ITPR2: variants seen among roughly 807,000 people sequenced by gnomAD.
ITPR2 encodes inositol 1,4,5-trisphosphate-gated calcium channel ITPR2.
Under a neutral mutation model 317.1 loss-of-function variants are expected in ITPR2, and 207 were observed. The ratio of observed to expected loss-of-function variants is 0.65; its 90% confidence interval spans 0.58 to 0.73. The LOEUF is 0.73. Among genes scored for constraint, ITPR2 ranks in the 30% least tolerant of loss-of-function variants. ITPR2 has a pLI of 0.00. For missense variants in ITPR2, 2,613 were observed against 3,284.0 expected, an observed-to-expected ratio of 0.80 and a Z score of 4.99; for synonymous variants, 1,156 against 1,149.1, an observed-to-expected ratio of 1.01 and a Z score of -0.12.
intron 37 of ITPR2, among the ~76,000 whole-genome samples, chr12:26,542,299 T>A (rs1944285431): frequency 6.6e-6 from 1 of 152,236 alleles, no homozygotes; most frequent in Non-Finnish European, 1.5e-5. Flanking sequence ...ACTTTTCATG[T>A]TATTTAGTTT....
intron 55 of ITPR2, among the ~76,000 whole-genome samples, chr12:26,358,021 T>C (rs1421005986): frequency 6.6e-6 from 1 of 152,262 alleles, no homozygotes; most frequent in Non-Finnish European, 1.5e-5. Context: ...CCCAGAAACC[T>C]GCAGCTATGT....
At chr12:26,817,180 C>CAAA (rs11422176) in intron 1 of ITPR2, among the ~76,000 whole-genome samples, 33 of 57,620 alleles carry the variant, frequency 5.7e-4, no homozygotes, top group African/African-American at 1.6e-3. Flanking sequence ...GAGTCTCTTT[C>CAAA]AAAAAAAAAA....
intron 54 of ITPR2, among the ~76,000 whole-genome samples, chr12:26,391,004 A>G (rs992331456): frequency 6.6e-6 from 1 of 152,168 alleles, no homozygotes; most frequent in Non-Finnish European, 1.5e-5. Flanking sequence ...AAGGGAGCAT[A>G]AAGAAGGGCA....
At chr12:26,667,050 A>G (rs776154876) in intron 13 of ITPR2, among the ~76,000 whole-genome samples, 2 of 152,268 alleles carry the variant, frequency 1.3e-5, no homozygotes, top group Non-Finnish European at 2.9e-5. Context: ...AAGCTGACCA[A>G]TAAACAGTTA....
chr12:26,669,701 T>C (rs1565679486), intron 13 of ITPR2, among the ~76,000 whole-genome samples: 4 of 152,122 alleles, frequency 2.6e-5, no homozygotes, highest in Admixed American at 2.0e-4. Context: ...TGGGCGCAGG[T>C]CAGTGGGTGC....
chr12:26,567,980 A>ATATATATATATTATATATAT, intron 34 of ITPR2, among the ~76,000 whole-genome samples: 1 of 7,606 alleles, frequency 1.3e-4, no homozygotes, highest in Admixed American at 9.3e-4. Context: ...TATATATATT[A>ATATATATATATTATATATAT]TATATATATA....
At chr12:26,671,302 AG>A (rs1947764332) in intron 13 of ITPR2, among the ~76,000 whole-genome samples, 1 of 152,252 alleles carries the variant, frequency 6.6e-6, no homozygotes, top group Non-Finnish European at 1.5e-5. Context: ...CCAGAGAGAA[AG>A]GTTGGGTTAC....
chr12:26,462,236 G>A (rs1315301011), intron 45 of ITPR2, among the ~76,000 whole-genome samples: 5 of 151,676 alleles, frequency 3.3e-5, no homozygotes, highest in Admixed American at 2.6e-4. Context: ...GTGCCATCTC[G>A]GCTCACTGCA....
chr12:26,520,522 C>T (rs1205996944), intron 37 of ITPR2, among the ~76,000 whole-genome samples: 1 of 152,178 alleles, frequency 6.6e-6, no homozygotes, highest in Admixed American at 6.5e-5. Context: ...GAAATAGCGG[C>T]TCCTGGTCTT....
At chr12:26,411,139 C>A (rs1306213928) in intron 52 of ITPR2, 181 bp downstream of exon 52, 10 of 553,810 alleles carry the variant, frequency 1.8e-5, no homozygotes, top group Admixed American at 3.1e-5. Flanking sequence ...GAGAGGGGTA[C>A]AAAATGACCA....
intron 48 of ITPR2, among the ~76,000 whole-genome samples, chr12:26,430,237 G>T (rs544581877): frequency 6.6e-6 from 1 of 152,164 alleles, no homozygotes; most frequent in Admixed American, 6.6e-5. Flanking sequence ...TGCTAAAAAA[G>T]AACTGAAGTC....
intron 55 of ITPR2, among the ~76,000 whole-genome samples, chr12:26,371,410 G>A (rs1939185756): frequency 6.6e-6 from 1 of 152,112 alleles, no homozygotes; most frequent in South Asian, 2.1e-4. Flanking sequence ...AGGTACTGGG[G>A]AAACAGTTAC....
chr12:26,671,160 C>A (rs1284422578), intron 13 of ITPR2, among the ~76,000 whole-genome samples: 2 of 152,146 alleles, frequency 1.3e-5, no homozygotes, highest in East Asian at 3.9e-4. Context: ...CCCAATCTAG[C>A]AAAGCAGGAC....
intron 2 of ITPR2, among the ~76,000 whole-genome samples, chr12:26,726,272 A>C (rs1948920511): frequency 6.6e-6 from 1 of 152,190 alleles, no homozygotes; most frequent in South Asian, 2.1e-4. Flanking sequence ...TCTGAAAGAC[A>C]ATATGATATG....
intron 37 of ITPR2, among the ~76,000 whole-genome samples, chr12:26,500,623 A>T (rs1384197972): frequency 6.6e-6 from 1 of 152,208 alleles, no homozygotes; most frequent in Non-Finnish European, 1.5e-5. Context: ...AATTACAACA[A>T]AATATCTCCA....
chr12:26,563,367 C>T (rs990460665), intron 34 of ITPR2, among the ~76,000 whole-genome samples: 4 of 152,196 alleles, frequency 2.6e-5, no homozygotes, highest in Admixed American at 6.5e-5. Flanking sequence ...GTCAGGAGAT[C>T]GAGACCATCC....
intron 2 of ITPR2, among the ~76,000 whole-genome samples, chr12:26,763,244 AT>A (rs201669262): frequency 0.014 from 2,162 of 152,182 alleles, 55 homozygotes; most frequent in African/African-American, 0.05. Flanking sequence ...AAATATATAC[AT>A]TTTTTCTTTG....
chr12:26,811,582 G>A lies in ITPR2; in HGVS notation c.92+21108C>T, dbSNP rs1950748946. On this transcript the variant is annotated intron_variant, in intron 1 of 56. Coordinates refer to ENST00000381340, the MANE Select transcript of ITPR2 (RefSeq NM_002223.4). ...GGCGCCTGTACTCCCAGCTACTCGG[G>A]AGGGTGAGGCAGGAGAATGGCATGA... Among the ~76,000 whole-genome samples, 4 of 152,084 alleles carry A rather than the reference G, an allele frequency of 2.6e-5. No individual in the cohort carries two copies. In the South Asian group the frequency reaches 8.3e-4, roughly 32 times the overall value.
At chr12:26,642,589 C>A (rs978480100) in intron 21 of ITPR2, among the ~76,000 whole-genome samples, 6 of 152,066 alleles carry the variant, frequency 3.9e-5, no homozygotes, top group African/African-American at 1.2e-4. Flanking sequence ...TATACATTAC[C>A]CAGTCTCAGG....
Sources: gnomAD v4.1 joint callset for allele counts (sites outside exome capture counted in the v4.1 genomes callset) on GRCh38, gnomAD v4.1.1 for gene constraint, MANE v1.5 for transcripts, NCBI Gene and HGNC (gene_info 2026-07-23, HGNC 2026-07-21) for gene names.